Variants in EVI5 observed in about 807,000 individuals in gnomAD.
EVI5 encodes the protein ecotropic viral integration site 5, also known as ecotropic viral integration site 5 protein homolog.
EVI5 carries 73 observed loss-of-function variants against 112.0 expected under a neutral mutation model. The observed-to-expected ratio is 0.65, with a 90% confidence interval of 0.54 to 0.79. The LOEUF is 0.79. EVI5 is among the 30% of genes least tolerant of loss of function. The pLI is 0.00. For synonymous variants in EVI5, 305 were observed against 319.9 expected (o/e 0.95, Z 0.50); for missense variants, 900 against 968.8 (o/e 0.93, Z 0.94).
intron 2 of EVI5, among the ~76,000 whole-genome samples, chr1:92,730,753 T>G (rs950815490): frequency 6.7e-6 from 1 of 148,986 alleles, no homozygotes; most frequent in African/African-American, 2.5e-5. Flanking sequence ...ACAGTTAACA[T>G]CAAGCTTAAT....
intron 14 of EVI5, among the ~76,000 whole-genome samples, chr1:92,635,290 G>A (rs1658526490): frequency 6.6e-6 from 1 of 152,100 alleles, no homozygotes; most frequent in African/African-American, 2.4e-5. Flanking sequence ...GAGTCTACAG[G>A]GGCAGGCAGG....
rs200475103 is a variant in EVI5, at chr1:92,510,007, A to C, written c.*3649T>G. ...CATTAATTTGAATGAAAAGGAGTCA[A>C]ACCAAGGCATAATATCCTATTGCAT... is the stretch of plus-strand genomic sequence containing the variant. On this transcript the variant is annotated 3_prime_UTR_variant, in exon 20 of 20. Transcript: ENST00000684568. The C allele has an allele frequency of 6.6e-6, 1 of 152,240 alleles. No individual in the cohort carries two copies. Among genetic ancestry groups the C allele is most frequent in the Non-Finnish European group, 1.5e-5 (1 of 68,042 alleles). The allele number at this position is 152,240 out of a possible 1,614,324, so 9.4% of individuals were successfully genotyped here.
intron 18 of EVI5, among the ~76,000 whole-genome samples, chr1:92,565,948 C>CAAAAAAA (rs71586755): frequency 0.029 from 1,502 of 51,804 alleles, 342 homozygotes; most frequent in African/African-American, 0.12. Context: ...CCAGCCCGAG[C>CAAAAAAA]AAAAAAAAAA....
At chr1:92,652,407 T>C (rs1662290879) in intron 13 of EVI5, among the ~76,000 whole-genome samples, 2 of 152,190 alleles carry the variant, frequency 1.3e-5, no homozygotes, top group South Asian at 2.1e-4. Flanking sequence ...AAAGGTTCTA[T>C]AAATGAACAG....
At chr1:92,734,346 T>C (rs1677000019) in intron 2 of EVI5, among the ~76,000 whole-genome samples, 1 of 152,154 alleles carries the variant, frequency 6.6e-6, no homozygotes, top group Admixed American at 6.5e-5. Flanking sequence ...CGTGTATAAA[T>C]ACCAAAGCAA....
chr1:92,611,943 A>G (rs1193744492), intron 16 of EVI5, among the ~76,000 whole-genome samples: 1 of 151,840 alleles, frequency 6.6e-6, no homozygotes, highest in Non-Finnish European at 1.5e-5. Context: ...AATTAAATAG[A>G]AAAAAAAGAA....
chr1:92,753,474 T>C (rs1409875335), intron 1 of EVI5, among the ~76,000 whole-genome samples: 7 of 152,268 alleles, frequency 4.6e-5, no homozygotes, highest in Non-Finnish European at 1.0e-4. Context: ...AATGAAATTA[T>C]ATTTTTTAAC....
chr1:92,758,872 G>A (rs533228262), intron 1 of EVI5, among the ~76,000 whole-genome samples: 69 of 152,008 alleles, frequency 4.5e-4, no homozygotes, highest in Non-Finnish European at 7.8e-4. Flanking sequence ...ATGATCAAGA[G>A]CAGATAGAAA....
chr1:92,756,944 T>C, intron 1 of EVI5: 1 of 320,302 alleles, frequency 3.1e-6, no homozygotes, highest in South Asian at 2.9e-5. Flanking sequence ...TATTACTTCA[T>C]GCTTTGAAAG....
chr1:92,520,571 C>A (rs1279899523), intron 19 of EVI5, among the ~76,000 whole-genome samples: 1 of 152,108 alleles, frequency 6.6e-6, no homozygotes, highest in African/African-American at 2.4e-5. Context: ...GAATTAGCGG[C>A]CAGGCATGGT....
At chr1:92,790,556 A>G (rs2103160129) in intron 1 of EVI5, among the ~76,000 whole-genome samples, 1 of 152,006 alleles carries the variant, frequency 6.6e-6, no homozygotes, top group South Asian at 2.1e-4. Context: ...CTCACAATGA[A>G]ATAGTGACAG....
intron 2 of EVI5, among the ~76,000 whole-genome samples, chr1:92,709,242 T>C (rs1672476744): frequency 1.3e-5 from 2 of 152,186 alleles, no homozygotes; most frequent in Non-Finnish European, 2.9e-5. Flanking sequence ...GATAGAAACT[T>C]TCTAAGTCTT....
chr1:92,647,573 T>C, intron 13 of EVI5: 1 of 540,566 alleles, frequency 1.8e-6, no homozygotes, highest in Non-Finnish European at 3.5e-6. Context: ...TGTTCTTCTC[T>C]GCATGTCTGC....
chr1:92,592,054 T>C (rs1373042971), intron 18 of EVI5, among the ~76,000 whole-genome samples: 1 of 151,990 alleles, frequency 6.6e-6, no homozygotes, highest in Non-Finnish European at 1.5e-5. Flanking sequence ...CCATCCTGGC[T>C]AACATGGTGA....
At chr1:92,741,283 A>G (rs1678348438) in intron 1 of EVI5, among the ~76,000 whole-genome samples, 2 of 152,236 alleles carry the variant, frequency 1.3e-5, no homozygotes, top group African/African-American at 4.8e-5. Context: ...AGAATGAGCA[A>G]GACCAAAGGT....
chr1:92,727,677 T>C (rs1348342574), intron 2 of EVI5, among the ~76,000 whole-genome samples: 2 of 152,204 alleles, frequency 1.3e-5, no homozygotes, highest in Non-Finnish European at 2.9e-5. Context: ...TGTCAGATTG[T>C]ATTTTTAAAA....
intron 1 of EVI5, among the ~76,000 whole-genome samples, chr1:92,757,582 G>C (rs987470534): frequency 1.3e-5 from 2 of 151,714 alleles, no homozygotes; most frequent in Non-Finnish European, 2.9e-5. Context: ...ATTAAGGCTG[G>C]AGTAGATCTC....
intron 1 of EVI5, among the ~76,000 whole-genome samples, chr1:92,790,141 A>G (rs1685980052): frequency 6.6e-6 from 1 of 152,116 alleles, no homozygotes; most frequent in African/African-American, 2.4e-5. Flanking sequence ...GTCAGACCCT[A>G]TCTGTACAAA....
At chr1:92,597,923 G>A (rs1648275253) in intron 18 of EVI5, among the ~76,000 whole-genome samples, 1 of 152,172 alleles carries the variant, frequency 6.6e-6, no homozygotes, top group South Asian at 2.1e-4. Context: ...GCCAGGTGTG[G>A]TGGTGTGCTC....
Sources: gnomAD v4.1 joint callset for allele counts (sites outside exome capture counted in the v4.1 genomes callset) on GRCh38, gnomAD v4.1.1 for gene constraint, MANE v1.5 for transcripts, NCBI Gene and HGNC (gene_info 2026-07-23, HGNC 2026-07-21) for gene names.